AMZ1: variants seen among roughly 807,000 people sequenced by gnomAD.
AMZ1 encodes archaelysin family metallopeptidase 1.
Under a neutral mutation model 29.9 loss-of-function variants are expected in AMZ1, and 39 were observed. The observed-to-expected ratio is 1.30, with a 90% CI of 1.01 to 1.70. AMZ1 has a LOEUF of 1.70. Among genes scored for constraint, AMZ1 ranks in the 40% most tolerant of loss-of-function variants. AMZ1 has a pLI of 0.00. For synonymous variants in AMZ1, 458 were observed against 304.0 expected, an observed-to-expected ratio of 1.51 and a Z score of -5.27; for missense variants, 1,041 against 680.6, an observed-to-expected ratio of 1.53 and a Z score of -5.89.
intron 4 of AMZ1, among the ~76,000 whole-genome samples, chr7:2,742,981 G>C (rs1328040901): frequency 6.6e-6 from 1 of 152,226 alleles, no homozygotes; most frequent in African/African-American, 2.4e-5. Flanking sequence ...TGAGCCACAG[G>C]CATGGTGGTG....
intron 4 of AMZ1, among the ~76,000 whole-genome samples, chr7:2,737,264 GTTTTGTTTTGTTTTTTTTTT>G (rs1410235004): frequency 5.7e-5 from 3 of 52,490 alleles, no homozygotes; most frequent in South Asian, 1.4e-3. Context: ...CTATCTCACA[GTTTTGTTTTGTTTTTTTTTT>G]TTTTGTTTTT....
At chr7:2,734,692 C>T (rs1446593225) in intron 4 of AMZ1, among the ~76,000 whole-genome samples, 2 of 152,222 alleles carry the variant, frequency 1.3e-5, no homozygotes, top group African/African-American at 2.4e-5. Context: ...TACTTTAGAA[C>T]GAAGGCCTCT....
At chr7:2,703,562 C>G (rs529794974) in intron 3 of AMZ1, among the ~76,000 whole-genome samples, 19 of 152,270 alleles carry the variant, frequency 1.2e-4, no homozygotes, top group African/African-American at 4.6e-4. Context: ...TCGCTGGTGA[C>G]TGGAGAGTGT....
At chr7:2,762,646 C>A (rs767866821), upstream of AMZ1, 1 of 1,597,000 alleles carries the variant, frequency 6.3e-7, no homozygotes, top group Non-Finnish European at 8.5e-7. Flanking sequence ...AAGCACAGAG[C>A]GGCAGGACGA....
rs751613832 is a variant in AMZ1 at position 2,712,865 on chromosome 7, G to T, written c.1484G>T (p.Gly495Val). 7 of 1,523,242 alleles carry T rather than the reference G, an allele frequency of 4.6e-6. No individual in the cohort carries two copies. Among genetic ancestry groups the T allele is most frequent in the Admixed American group, 2.1e-5 (1 of 47,072 alleles). 94.4% of individuals were successfully genotyped at this position (1,523,242 alleles called of 1,614,324 possible). A position where few individuals can be genotyped will look rare whatever the true frequency, so the allele number is the denominator to read the frequency against. The change falls in exon 7 of 7, where the codon GGG becomes GTG. Residue 495 changes from glycine (G) to valine (V), a missense_variant. By Grantham distance (109) the Gly-to-Val change is moderately radical. Transcript: ENST00000683327. ...RAESAPRPWD[G>V]EES The stretch of plus-strand genomic sequence containing the variant: ...GAGTCGGCCCCCCGTCCCTGGGATG[G>T]GGAAGAGAGTTAGTACAGCAGGGGC...
chr7:2,690,073 C>T (rs570792487), intron 1 of AMZ1, among the ~76,000 whole-genome samples: 4 of 152,266 alleles, frequency 2.6e-5, no homozygotes, highest in Non-Finnish European at 5.9e-5. Flanking sequence ...TGTGGGCAGA[C>T]GTCATGCCCT....
chr7:2,702,729 C>G lies in AMZ1; in HGVS notation c.312C>G (p.Ser104Arg), dbSNP rs149317306. Reference protein sequence around the residue: ...KHIYLQPIDLSEEPVGSSLLH... With the variant: ...KHIYLQPIDLREEPVGSSLLH... ...GTGCTGCTCTCCCACCAGACCTGAG[C>G]GAGGAGCCGGTGGGAAGCTCCCTGC... Residue 104 changes from serine to arginine, a missense_variant, in exon 3 of 7, where the codon AGC (serine) becomes AGG (arginine). By Grantham distance (110) the Ser-to-Arg change is moderately radical. Transcript: ENST00000683327. 2.0e-6 allele frequency: 3 copies of G among 1,534,558 alleles called. No homozygotes were observed. The highest frequency in any genetic ancestry group is 2.6e-6 in the Non-Finnish European group (3 of 1,142,850).
chr7:2,752,492 T>C (rs970190096), intron 4 of AMZ1, among the ~76,000 whole-genome samples: 1 of 152,106 alleles, frequency 6.6e-6, no homozygotes, highest in Non-Finnish European at 1.5e-5. Context: ...ACACAGGGAC[T>C]GGAAAGCAAG....
upstream of AMZ1, among the ~76,000 whole-genome samples, chr7:2,760,992 T>G (rs562234216): frequency 6.6e-6 from 1 of 152,334 alleles, no homozygotes; most frequent in East Asian, 1.9e-4. Context: ...CTCTCAGTCC[T>G]CACAGTTCAT....
Position 2,715,084 on chromosome 7 carries a change from TCA to T in AMZ1, c.*2209_*2210del. On this transcript the variant is annotated 3_prime_UTR_variant, in exon 7 of 7. Transcript: ENST00000683327. ...CTTTCAGAAAGGGACCTGGGCTTCC[TCA>T]CAATATGGCGGTTGCCCTCCTAAGG... 1 of 152,366 alleles carries T rather than the reference TCA, an allele frequency of 6.6e-6. No individual in the cohort carries two copies. Among genetic ancestry groups the T allele is most frequent in the East Asian group, 1.9e-4 (1 of 5,238 alleles). 9.4% of individuals were successfully genotyped at this position (152,366 alleles called of 1,614,324 possible). A position where few individuals can be genotyped will look rare whatever the true frequency, so the allele number is the denominator to read the frequency against.
In AMZ1 at chr7:2,700,487, CG is replaced by C. The variant is rs750921227; in HGVS notation, c.39del (p.Arg15GlyfsTer3). ...GTAGACCCGCACAGGAGTTCAGCTT[CG>C]GGCCCCGGGCCTTGAAGGACGCTCT... is the stretch of plus-strand genomic sequence containing the variant. ...QCRPAQEFSFGPRALKDALVS... is the reference protein window; with the variant it reads ...QCRPAQEFSFXPRALKDALVS... On this transcript the variant is annotated frameshift_variant, in exon 2 of 7. Transcript: ENST00000683327. LOFTEE classifies it high-confidence loss of function. 13 of 1,603,886 alleles carry C rather than the reference CG, an allele frequency of 8.1e-6. No homozygotes were observed. Among genetic ancestry groups the C allele is most frequent in the Non-Finnish European group, 1.1e-5 (13 of 1,179,874 alleles).
chr7:2,746,437 G>A lies in AMZ1; in HGVS notation n.551-18275G>A, dbSNP rs1287699360. On this transcript the variant is annotated intron_variant and non_coding_transcript_variant, in intron 4 of 4. Coordinates refer to the AMZ1 transcript ENST00000489665. Reference sequence around the variant, plus strand: ...ATGACTACTGGGTACATAATGAAATGAAGGCAGAAATAAAGATGTTCTTTG... The same window carrying A: ...ATGACTACTGGGTACATAATGAAATAAAGGCAGAAATAAAGATGTTCTTTG... Among the ~76,000 whole-genome samples the A allele has an allele frequency of 5.9e-5, 9 of 152,288 alleles. No homozygotes were observed. The East Asian group carries it at 1.7e-3, about 29-fold the overall frequency.
chr7:2,702,980 C>T lies in AMZ1; in HGVS notation c.472+91C>T, dbSNP rs757515529. Reference sequence around the variant, plus strand: ...GAAGGCGCCCAGGAGAGGAAGGGAACCTTTTCTTCCTTTTTGCTGGGAAAC... The same window carrying T: ...GAAGGCGCCCAGGAGAGGAAGGGAATCTTTTCTTCCTTTTTGCTGGGAAAC... On this transcript the variant is annotated intron_variant, in intron 3 of 6. Transcript: ENST00000683327. The T allele has an allele frequency of 3.5e-6, 5 of 1,420,610 alleles. No individual in the cohort carries two copies. The African/African-American group carries it at 4.4e-5, about 13-fold the overall frequency. 88.0% of individuals were successfully genotyped at this position (1,420,610 alleles called of 1,614,324 possible).
chr7:2,708,662 C>G lies in AMZ1; in HGVS notation c.547C>G (p.Leu183Val). Reference sequence around the variant, plus strand: ...TGTGCTGGGCCTCACACTGTCTGACCTGTACCCCCATGAGGCCTGGAGCTT... The same window carrying G: ...TGTGCTGGGCCTCACACTGTCTGACGTGTACCCCCATGAGGCCTGGAGCTT... ...LCVLGLTLSD[L>V]YPHEAWSFTF... is the part of the protein sequence containing the mutation. Residue 183 changes from leucine (L) to valine (V), a missense_variant, in exon 4 of 7, where the codon CTG becomes GTG. Leu to Val is a conservative substitution (Grantham distance 32). Transcript: ENST00000683327. The G allele has an allele frequency of 6.2e-7, 1 of 1,613,244 alleles. No homozygotes were observed. Among genetic ancestry groups the G allele is most frequent in the Non-Finnish European group, 8.5e-7 (1 of 1,180,010 alleles).
At chr7:2,707,062 T>A (rs1222061672) in intron 3 of AMZ1, among the ~76,000 whole-genome samples, 1 of 152,034 alleles carries the variant, frequency 6.6e-6, no homozygotes, top group Admixed American at 6.6e-5. Flanking sequence ...ATCACGAGGG[T>A]AGGAGTTTGA....
chr7:2,692,828 A>T (rs924775593), intron 1 of AMZ1, among the ~76,000 whole-genome samples: 1 of 152,020 alleles, frequency 6.6e-6, no homozygotes, highest in Admixed American at 6.6e-5. Flanking sequence ...CTCCTGCGCG[A>T]TGTGTCCCCA....
intron 4 of AMZ1, among the ~76,000 whole-genome samples, chr7:2,747,522 A>C (rs1481183330): frequency 1.3e-5 from 2 of 152,218 alleles, no homozygotes; most frequent in African/African-American, 4.8e-5. Context: ...GACGTATCTC[A>C]AAATAATAAG....
downstream of AMZ1, among the ~76,000 whole-genome samples, chr7:2,723,768 G>A (rs1325634211): frequency 6.6e-6 from 1 of 152,232 alleles, no homozygotes; most frequent in Non-Finnish European, 1.5e-5. Context: ...TGTTCTCAGA[G>A]ACTCCCTCTG....
chr7:2,725,311 G>A (rs1243584939), intron 4 of AMZ1, among the ~76,000 whole-genome samples: 5 of 152,234 alleles, frequency 3.3e-5, no homozygotes, highest in African/African-American at 9.6e-5. Flanking sequence ...CCTAGAAGGG[G>A]CTGCCCTGGG....
Sources: allele counts gnomAD v4.1 joint callset (sites outside exome capture counted in the v4.1 genomes callset), GRCh38; gene constraint gnomAD v4.1.1; transcripts MANE v1.5; gene names NCBI Gene and HGNC (gene_info 2026-07-23, HGNC 2026-07-21).